The following KAZN variants were observed in gnomAD, a reference collection of about 807,000 sequenced individuals.
KAZN encodes kazrin.
A neutral mutation model predicts 87.4 loss-of-function variants in KAZN; 40 were observed. The ratio of observed to expected loss-of-function variants is 0.46; its 90% CI spans 0.36 to 0.60. The LOEUF is 0.60. KAZN is among the 20% of genes least tolerant of loss of function. KAZN has a pLI of 0.00. For synonymous variants in KAZN, 466 were observed against 458.3 expected (o/e 1.02, Z -0.22); for missense variants, 898 against 1,073.9 (o/e 0.84, Z 2.29).
At position 15,007,074 on chromosome 1, in the gene KAZN, A is replaced by AG. The variant is rs1361780332; in HGVS notation, c.419-27675_419-27674insG. ...TCCGTCTCAAAAAAAAAAAAAAAAA[A>AG]AAAGAAAAACAGAAAATTCCAGGGA... On this transcript the variant is annotated intron_variant, in intron 2 of 14. Transcript: ENST00000376030. Among the ~76,000 whole-genome samples the AG allele has an allele frequency of 5.5e-5, 7 of 127,270 alleles. No homozygotes were observed. The East Asian group carries it at 1.3e-3, about 23-fold the overall frequency. 83.5% of individuals were successfully genotyped at this position (127,270 alleles called of 152,430 possible).
intron 1 of KAZN, among the ~76,000 whole-genome samples, chr1:14,786,364 C>A (rs1645508629): frequency 6.6e-6 from 1 of 152,122 alleles, no homozygotes; most frequent in Non-Finnish European, 1.5e-5. Context: ...GTTTGGGGAG[C>A]AGCAGCATGA....
At chr1:15,024,904 C>T (rs1671027954) in intron 2 of KAZN, among the ~76,000 whole-genome samples, 1 of 152,170 alleles carries the variant, frequency 6.6e-6, no homozygotes, top group Non-Finnish European at 1.5e-5. Context: ...AGGACTGATG[C>T]TCAGGGTTCT....
At chr1:14,908,182 G>T (rs1003399531) in intron 1 of KAZN, among the ~76,000 whole-genome samples, 2 of 152,198 alleles carry the variant, frequency 1.3e-5, no homozygotes, top group African/African-American at 4.8e-5. Flanking sequence ...AGGATCGCTT[G>T]AGGCCAGGAG....
intron 1 of KAZN, among the ~76,000 whole-genome samples, chr1:13,974,886 C>T (rs969520425): frequency 6.6e-6 from 1 of 152,110 alleles, no homozygotes; most frequent in Non-Finnish European, 1.5e-5. Flanking sequence ...AGGTCTCACA[C>T]AGACCTTCAA....
In KAZN at chr1:13,919,547, A is replaced by G. The variant is rs185688982; in HGVS notation, c.91+25791A>G. On this transcript the variant is annotated intron_variant, in intron 1 of 16. Transcript: ENST00000636203. ...GTGTTTTTGGTGTACATGTACACATATTCCTAGGAGTAGAACTGGATCATG... is the reference window on the plus strand; with the variant it reads ...GTGTTTTTGGTGTACATGTACACATGTTCCTAGGAGTAGAACTGGATCATG... Among the ~76,000 whole-genome samples the G allele has an allele frequency of 2.4e-4, 37 of 152,368 alleles. No individual in the cohort carries two copies. In the East Asian group the frequency reaches 5.2e-3, roughly 21 times the overall value.
chr1:15,109,335 C>T (rs887911906), intron 13 of KAZN, among the ~76,000 whole-genome samples: 1 of 152,100 alleles, frequency 6.6e-6, no homozygotes, highest in African/African-American at 2.4e-5. Flanking sequence ...CACCACTGCA[C>T]TCCAGCCTGG....
At chr1:14,275,597 G>A (rs939695037) in intron 2 of KAZN, among the ~76,000 whole-genome samples, 16 of 151,964 alleles carry the variant, frequency 1.1e-4, no homozygotes, top group African/African-American at 3.1e-4. Context: ...ATGTTTGTGC[G>A]ATTCATCCAT....
At chr1:14,379,972 T>C (rs1661236384) in intron 2 of KAZN, among the ~76,000 whole-genome samples, 1 of 152,142 alleles carries the variant, frequency 6.6e-6, no homozygotes, top group African/African-American at 2.4e-5. Context: ...CCGGTGGTGG[T>C]GGGCACAGAG....
chr1:13,997,564 G>A (rs1275483691), intron 1 of KAZN, among the ~76,000 whole-genome samples: 1 of 151,756 alleles, frequency 6.6e-6, no homozygotes, highest in Non-Finnish European at 1.5e-5. Flanking sequence ...TGAGAACTTT[G>A]TGAAGGATAC....
intron 2 of KAZN, among the ~76,000 whole-genome samples, chr1:14,247,034 T>C (rs1333008423): frequency 2.0e-5 from 3 of 152,228 alleles, no homozygotes; most frequent in African/African-American, 7.2e-5. Context: ...TTCACATCCT[T>C]GCCAAGGCAC....
chr1:14,068,820 A>G (rs1345592560), intron 1 of KAZN, among the ~76,000 whole-genome samples: 4 of 141,464 alleles, frequency 2.8e-5, no homozygotes, highest in African/African-American at 1.1e-4. Flanking sequence ...TTTTTTTGAG[A>G]CGGAGTCTTG....
intron 1 of KAZN, among the ~76,000 whole-genome samples, chr1:13,912,887 T>G (rs1639705282): frequency 6.6e-6 from 1 of 152,178 alleles, no homozygotes; most frequent in Non-Finnish European, 1.5e-5. Context: ...TGAGCCACTG[T>G]GCCTGGCCCT....
At chr1:14,920,397 C>T (rs187375682) in intron 1 of KAZN, among the ~76,000 whole-genome samples, 193 of 151,268 alleles carry the variant, frequency 1.3e-3, no homozygotes, top group Non-Finnish European at 2.4e-3. Context: ...CTGGACTGCC[C>T]CTTTCCCCTC....
intron 1 of KAZN, among the ~76,000 whole-genome samples, chr1:14,043,788 G>T (rs1484523384): frequency 6.6e-6 from 1 of 152,006 alleles, no homozygotes; most frequent in Non-Finnish European, 1.5e-5. Flanking sequence ...ATATCCCCAT[G>T]TTACATATGA....
intron 2 of KAZN, among the ~76,000 whole-genome samples, chr1:14,345,044 G>A (rs1244268738): frequency 6.6e-6 from 1 of 151,428 alleles, no homozygotes; most frequent in Non-Finnish European, 1.5e-5. Flanking sequence ...TCAGCCTTCC[G>A]AGTAGCTGGG....
intron 2 of KAZN, among the ~76,000 whole-genome samples, chr1:14,390,446 G>C (rs371680260): frequency 2.0e-4 from 30 of 152,208 alleles, no homozygotes; most frequent in African/African-American, 7.0e-4. Context: ...TCACCAAGGG[G>C]TGCCACTGGA....
chr1:14,848,705 C>A (rs1487000535), intron 1 of KAZN, among the ~76,000 whole-genome samples: 3 of 152,188 alleles, frequency 2.0e-5, no homozygotes, highest in Non-Finnish European at 4.4e-5. Context: ...TGCCCGCTCT[C>A]CCCGTGAGTG....
At chr1:14,079,120 C>T (rs750809957) in intron 1 of KAZN, among the ~76,000 whole-genome samples, 1 of 152,186 alleles carries the variant, frequency 6.6e-6, no homozygotes, top group Non-Finnish European at 1.5e-5. Flanking sequence ...AGCATGGCAC[C>T]AGTATCTGCT....
chr1:14,259,605 TTG>T (rs1350746374), intron 2 of KAZN, among the ~76,000 whole-genome samples: 3 of 152,196 alleles, frequency 2.0e-5, no homozygotes, highest in Non-Finnish European at 4.4e-5. Context: ...GGCACATTCG[TTG>T]TGTTAGCCTG....
Sources: allele counts gnomAD v4.1 joint callset (sites outside exome capture counted in the v4.1 genomes callset), GRCh38; gene constraint gnomAD v4.1.1; transcripts MANE v1.5; gene names NCBI Gene and HGNC (gene_info 2026-07-23, HGNC 2026-07-21).